CHAF1A: variants seen among roughly 807,000 people sequenced by gnomAD.
The protein encoded by CHAF1A is CAF-1 subunit A.
CHAF1A carries 5 observed loss-of-function variants against 93.2 expected under a neutral mutation model. That is an observed-to-expected ratio of 0.05 (90% confidence interval 0.03 to 0.11). The LOEUF is 0.11. Ranked by LOEUF, CHAF1A falls within the 10% of genes least tolerant of loss-of-function variation. The pLI is 1.00. For synonymous variants in CHAF1A, 504 were observed against 510.3 expected (o/e 0.99, Z 0.17); for missense variants, 1,102 against 1,259.9 (o/e 0.87, Z 1.90).
At chr19:4,426,741 T>C (rs958013514) in intron 7 of CHAF1A, among the ~76,000 whole-genome samples, 4 of 152,210 alleles carry the variant, frequency 2.6e-5, no homozygotes, top group African/African-American at 9.6e-5. Context: ...CCCAAAGTGC[T>C]GGGATTACAG....
rs201581960 is a variant in CHAF1A at position 4,442,916 on chromosome 19, G to A, written c.2771-9G>A. ...GCCAGCTCAAGACCCTCCCTCTCTT[G>A]CCCTGCAGAGGTCCAAGCCCCGTGT... On this transcript the variant is annotated splice_polypyrimidine_tract_variant and intron_variant, in intron 14 of 14. Coordinates refer to ENST00000301280, the MANE Select transcript of CHAF1A (RefSeq NM_005483.3). 1.2e-5 allele frequency: 19 copies of A among 1,570,892 alleles called. No individual in the cohort carries two copies. Among genetic ancestry groups the A allele is most frequent in the African/African-American group, 4.0e-5 (3 of 74,326 alleles).
intron 4 of CHAF1A, among the ~76,000 whole-genome samples, chr19:4,420,446 T>C (rs1223931240): frequency 2.6e-5 from 4 of 152,118 alleles, no homozygotes; most frequent in Non-Finnish European, 5.9e-5. Flanking sequence ...TTTCACCATG[T>C]TGGCCAGGCT....
chr19:4,448,610 C>G (rs749243018), downstream of CHAF1A: 1 of 597,978 alleles, frequency 1.7e-6, no homozygotes, highest in Non-Finnish European at 3.0e-6. Context: ...GCAGAGGCGA[C>G]GCAGCCAAGA....
chr19:4,432,955 G>C (rs1187103560), intron 12 of CHAF1A, 115 bp from the exon 13 acceptor site: 1 of 813,348 alleles, frequency 1.2e-6, no homozygotes, highest in Admixed American at 2.8e-5. Flanking sequence ...TATCCCCGAA[G>C]CTGGCCATGC....
chr19:4,429,026 G>C (rs374387229), intron 8 of CHAF1A, 136 bp downstream of exon 8: 3 of 682,102 alleles, frequency 4.4e-6, no homozygotes, highest in Admixed American at 5.5e-5. Flanking sequence ...CTGGGCTTCG[G>C]TGCTGGCTCA....
At position 4,402,843 on chromosome 19, in the gene CHAF1A, G is replaced by T. The variant is rs77734548; in HGVS notation, c.52+29G>T. 14 of 1,189,882 alleles carry T rather than the reference G, an allele frequency of 1.2e-5. No homozygotes were observed. In the East Asian group the frequency reaches 1.8e-4, roughly 15 times the overall value. The allele number at this position is 1,189,882 out of a possible 1,614,324, so 73.7% of individuals were successfully genotyped here. On this transcript the variant is annotated intron_variant, in intron 1 of 14. Transcript: ENST00000301280. ...GGTTCGGGCCCGCGCCGAGGGGAAGGGGGGGCGCGGCGCGCGGCCTGGACG... is the reference window on the plus strand; with the variant it reads ...GGTTCGGGCCCGCGCCGAGGGGAAGTGGGGGCGCGGCGCGCGGCCTGGACG...
intron 3 of CHAF1A, among the ~76,000 whole-genome samples, chr19:4,415,382 G>A (rs539425300): frequency 6.6e-6 from 1 of 152,172 alleles, no homozygotes; most frequent in African/African-American, 2.4e-5. Context: ...ACAGCAGAGG[G>A]GGGGCATTGT....
At chr19:4,403,356 G>GGAA (rs1339622891) in intron 1 of CHAF1A, among the ~76,000 whole-genome samples, 2 of 152,184 alleles carry the variant, frequency 1.3e-5, no homozygotes, top group African/African-American at 4.8e-5. Context: ...TTCCTCCTCC[G>GGAA]TGTGCCTTGG....
intron 13 of CHAF1A, among the ~76,000 whole-genome samples, chr19:4,438,120 G>T (rs1238535427): frequency 6.6e-6 from 1 of 152,088 alleles, no homozygotes; most frequent in Non-Finnish European, 1.5e-5. Context: ...ACATGTGCAG[G>T]TTGGCAAACT....
At chr19:4,417,784 G>A (rs1219432333) in intron 3 of CHAF1A, among the ~76,000 whole-genome samples, 2 of 152,070 alleles carry the variant, frequency 1.3e-5, no homozygotes, top group Non-Finnish European at 2.9e-5. Context: ...TTATTTCTGA[G>A]CTTGCCTTGT....
Position 4,423,370 on chromosome 19 carries a change from A to G in CHAF1A, c.1283A>G (p.Glu428Gly), listed in dbSNP as rs757081239. The change falls in exon 6 of 15, where the codon GAG (glutamate) becomes GGG (glycine). Residue 428 changes from glutamate to glycine, a missense_variant. Physicochemically the swap from Glu to Gly is moderately conservative, Grantham distance 98. Coordinates refer to ENST00000301280, the MANE Select transcript of CHAF1A (RefSeq NM_005483.3). ...KLEEKRKKEE[E>G]KRLREEEKRI... ...GAGGAAAAAAGGAAAAAGGAAGAAG[A>G]GAAACGGTTAAGAGAAGAAGAGAAG... The G allele has an allele frequency of 2.7e-5, 44 of 1,614,066 alleles. No individual in the cohort carries two copies. Among genetic ancestry groups the G allele is most frequent in the Non-Finnish European group, 3.4e-6 (4 of 1,180,004 alleles).
At chr19:4,432,310 C>A in intron 12 of CHAF1A, 103 bp downstream of exon 12, 2 of 1,314,908 alleles carry the variant, frequency 1.5e-6, no homozygotes, top group Non-Finnish European at 2.0e-6. Flanking sequence ...TGCAAATGTT[C>A]TTTCCACAAA....
chr19:4,447,954 G>T, downstream of CHAF1A: 5 of 495,870 alleles, frequency 1.0e-5, no homozygotes, highest in South Asian at 1.1e-4. Flanking sequence ...AGTGCCAGCA[G>T]GGGGCTCCTG....
At chr19:4,442,716 G>A (rs1412226585) in intron 14 of CHAF1A, among the ~76,000 whole-genome samples, 3 of 152,208 alleles carry the variant, frequency 2.0e-5, no homozygotes, top group African/African-American at 7.2e-5. Flanking sequence ...TGCCCGGGTG[G>A]TGGGGGGCAG....
chr19:4,427,136 CTTTTTTTTTTTTTTTT>C (rs747750687), intron 7 of CHAF1A, among the ~76,000 whole-genome samples: 2 of 31,948 alleles, frequency 6.3e-5, no homozygotes, highest in East Asian at 1.5e-3. Context: ...AAGACCCTGT[CTTTTTTTTTTTTTTTT>C]TTTTTTTTTT....
At chr19:4,404,606 G>T (rs1445361958) in intron 1 of CHAF1A, among the ~76,000 whole-genome samples, 2 of 152,066 alleles carry the variant, frequency 1.3e-5, no homozygotes, top group Non-Finnish European at 2.9e-5. Flanking sequence ...GTGGGTGAGG[G>T]GTGGTTTCAT....
At chr19:4,434,301 A>G (rs902049180) in intron 13 of CHAF1A, among the ~76,000 whole-genome samples, 4 of 152,192 alleles carry the variant, frequency 2.6e-5, no homozygotes. Context: ...AGCTATGATC[A>G]TGCCACTGCA....
rs758331511 is a variant in CHAF1A at position 4,425,684 on chromosome 19, G to C, written c.1377+1810G>C. Among the ~76,000 whole-genome samples the C allele has an allele frequency of 7.9e-5, 12 of 152,138 alleles. No homozygotes were observed. In the South Asian group the frequency reaches 8.3e-4, roughly 10 times the overall value. ...CTTTGCCCCTCAGTGGTGTAGGGGGGGTCCCTGCACATGCTTCTCTGCACA... is the reference window on the plus strand; with the variant it reads ...CTTTGCCCCTCAGTGGTGTAGGGGGCGTCCCTGCACATGCTTCTCTGCACA... On this transcript the variant is annotated intron_variant, in intron 7 of 14. Coordinates refer to ENST00000301280, the MANE Select transcript of CHAF1A (RefSeq NM_005483.3).
chr19:4,411,362 T>A (rs1260341759), intron 3 of CHAF1A, among the ~76,000 whole-genome samples: 1 of 152,132 alleles, frequency 6.6e-6, no homozygotes, highest in African/African-American at 2.4e-5. Flanking sequence ...CTCAAGTAGC[T>A]GGGATTAGAG....
Sources: gnomAD v4.1 joint callset for allele counts (sites outside exome capture counted in the v4.1 genomes callset) on GRCh38, gnomAD v4.1.1 for gene constraint, MANE v1.5 for transcripts, NCBI Gene and HGNC (gene_info 2026-07-23, HGNC 2026-07-21) for gene names.